The following CACNA1A variants were observed in gnomAD, a reference collection of about 807,000 sequenced individuals.
CACNA1A encodes the protein voltage-dependent P/Q-type calcium channel subunit alpha-1A.
CACNA1A carries 57 observed loss-of-function variants against 262.4 expected under a neutral mutation model. That is an observed-to-expected ratio of 0.22 (90% CI 0.18 to 0.27). The LOEUF is 0.27. CACNA1A is among the 10% of genes least tolerant of loss of function. The pLI is 1.00. For synonymous variants in CACNA1A, 1,431 were observed against 1,419.3 expected, an observed-to-expected ratio of 1.01 and a Z score of -0.18; for missense variants, 2,526 against 3,562.8, an observed-to-expected ratio of 0.71 and a Z score of 7.41.
In CACNA1A at chr19:13,308,244, C is replaced by T. The variant is rs777203333; in HGVS notation, c.1789G>A (p.Ala597Thr). Residue 597 changes from alanine to threonine, a missense_variant, in exon 14 of 47, where the codon GCA (alanine) becomes ACA (threonine). Around this residue, in one of 17 missense-constraint regions of CACNA1A, gnomAD observed 102 missense variants for 278.9 expected, o/e 0.37. Transcript: ENST00000360228. This position sits in a 1 kb window ranked among gnomAD's most constrained non-coding sequence, Gnocchi z 4.2. ...LRIFKVTKYWASLRNLVVSLL... is the reference protein window; with the variant it reads ...LRIFKVTKYWTSLRNLVVSLL... ...GAGACGACCAGGTTTCTGAGAGATG[C>T]CCAGTACCTGCCGACAGAGGCCAGG... 1 of 1,612,410 alleles carries T rather than the reference C, an allele frequency of 6.2e-7. No individual in the cohort carries two copies. Among genetic ancestry groups the T allele is most frequent in the Non-Finnish European group, 8.5e-7 (1 of 1,179,112 alleles).
In CACNA1A at chr19:13,359,567, ACT is replaced by A. The variant is rs1215279903; in HGVS notation, c.978+37_978+38del. On this transcript the variant is annotated intron_variant, in intron 6 of 46. Transcript: ENST00000360228. Reference sequence around the variant, plus strand: ...GGTCCCAGGAGGCCACCTCCCTGAGACTCTGATTGTCCACACACACTGTCCCA... The same window carrying A: ...GGTCCCAGGAGGCCACCTCCCTGAGACTGATTGTCCACACACACTGTCCCA... 5 of 1,534,868 alleles carry A rather than the reference ACT, an allele frequency of 3.3e-6. No homozygotes were observed. The African/African-American group carries it at 5.5e-5, about 17-fold the overall frequency.
At chr19:13,402,811 T>C (rs939071909) in intron 3 of CACNA1A, among the ~76,000 whole-genome samples, 3 of 131,464 alleles carry the variant, frequency 2.3e-5, no homozygotes, top group East Asian at 2.0e-4. Context: ...CATATATATA[T>C]ACATATATAC....
At position 13,212,137 on chromosome 19, in the gene CACNA1A, G is replaced by C; in HGVS notation, c.6269C>G (p.Ala2090Gly). 6.2e-7 allele frequency: 1 copy of C among 1,613,556 alleles called. No individual in the cohort carries two copies. Among genetic ancestry groups the C allele is most frequent in the Non-Finnish European group, 8.5e-7 (1 of 1,179,618 alleles). The change falls in exon 43 of 47, where the codon GCT becomes GGT. Residue 2090 changes from alanine to glycine, a missense_variant. Physicochemically the swap from Ala to Gly is moderately conservative, Grantham distance 60. Coordinates refer to ENST00000360228, the MANE Select transcript of CACNA1A (RefSeq NM_001127222.2). The surrounding 1 kb of genome is among the most constrained non-coding windows in gnomAD (Gnocchi z 5.6). ...HYLPMEGQGR[A>G]ASMPRLPAEN... Reference sequence around the variant, plus strand: ...TGCAGGGAGGCGGGGCATGGAGGCAGCCCGGCCCTGGCCTTCCATGGGGAG... The same window carrying C: ...TGCAGGGAGGCGGGGCATGGAGGCACCCCGGCCCTGGCCTTCCATGGGGAG...
At chr19:13,278,565 G>T (rs1203880345) in intron 22 of CACNA1A, among the ~76,000 whole-genome samples, 1 of 151,948 alleles carries the variant, frequency 6.6e-6, no homozygotes, top group Non-Finnish European at 1.5e-5. Flanking sequence ...CCACACCCCC[G>T]GCCACTTATC....
intron 1 of CACNA1A, among the ~76,000 whole-genome samples, chr19:13,461,340 AAAAACAAAACAAAACAAAAC>A (rs59561044): frequency 9.5e-5 from 14 of 148,074 alleles, no homozygotes; most frequent in African/African-American, 1.0e-4. Context: ...ACTCCGTCTC[AAAAACAAAACAAAACAAAAC>A]AAAACAAAAC....
Position 13,308,572 on chromosome 19 carries a change from G to T in CACNA1A, c.1669-44C>A. 1 of 1,287,646 alleles carries T rather than the reference G, an allele frequency of 7.8e-7. No homozygotes were observed. Among genetic ancestry groups the T allele is most frequent in the Non-Finnish European group, 1.1e-6 (1 of 911,924 alleles). 79.8% of individuals were successfully genotyped at this position (1,287,646 alleles called of 1,614,324 possible). A position where few individuals can be genotyped will look rare whatever the true frequency, so the allele number is the denominator to read the frequency against. On this transcript the variant is annotated intron_variant, in intron 12 of 46. Coordinates refer to ENST00000360228, the MANE Select transcript of CACNA1A (RefSeq NM_001127222.2). This position sits in a 1 kb window ranked among gnomAD's most constrained non-coding sequence, Gnocchi z 4.2. ...TCTCATGTCCAGGGACAGTGTCTGG[G>T]CTCCAGAACTGGCAAGCATTTCCTA...
Position 13,308,588 on chromosome 19 carries a change from G to T in CACNA1A, c.1669-60C>A. On this transcript the variant is annotated intron_variant, in intron 12 of 46. Transcript: ENST00000360228. This position sits in a 1 kb window ranked among gnomAD's most constrained non-coding sequence, Gnocchi z 4.2. Reference sequence around the variant, plus strand: ...AGTGTCTGGGCTCCAGAACTGGCAAGCATTTCCTAGGTACCAACCTTGCAA... The same window carrying T: ...AGTGTCTGGGCTCCAGAACTGGCAATCATTTCCTAGGTACCAACCTTGCAA... 1 of 1,078,534 alleles carries T rather than the reference G, an allele frequency of 9.3e-7. No homozygotes were observed. The highest frequency in any genetic ancestry group is 1.4e-6 in the Non-Finnish European group (1 of 735,478). The allele number at this position is 1,078,534 out of a possible 1,614,324, so 66.8% of individuals were successfully genotyped here.
intron 3 of CACNA1A, among the ~76,000 whole-genome samples, chr19:13,443,695 A>G (rs1328514981): frequency 2.0e-5 from 3 of 152,190 alleles, no homozygotes; most frequent in Non-Finnish European, 4.4e-5. Flanking sequence ...TCAGCTTATC[A>G]ATGTTGCCAC....
At chr19:13,253,557 T>G (rs1325781109) in intron 29 of CACNA1A, among the ~76,000 whole-genome samples, 1 of 140,330 alleles carries the variant, frequency 7.1e-6, no homozygotes. Flanking sequence ...GCCATTCCCC[T>G]GCCTCAGCCT....
In CACNA1A at chr19:13,377,213, C is replaced by T. The variant is rs540612888; in HGVS notation, c.540-5434G>A. The stretch of plus-strand genomic sequence containing the variant: ...CCGACCTCAGGTGATCCACACGCCT[C>T]GGCCTCCCAAAGTGGTGGGATTACA... On this transcript the variant is annotated intron_variant, in intron 3 of 46. Transcript: ENST00000360228. 8.7e-4 allele frequency among the ~76,000 whole-genome samples: 132 copies of T among 151,992 alleles called. 1 individual carries two copies. Among genetic ancestry groups the T allele is most frequent in the African/African-American group, 2.7e-3 (112 of 41,500 alleles).
chr19:13,387,421 T>C (rs1213258966), intron 3 of CACNA1A, among the ~76,000 whole-genome samples: 2 of 152,202 alleles, frequency 1.3e-5, no homozygotes, highest in African/African-American at 4.8e-5. Flanking sequence ...CTCCCTTTCA[T>C]TGATGGGGAA....
intron 3 of CACNA1A, among the ~76,000 whole-genome samples, chr19:13,426,180 A>G (rs1401014996): frequency 6.6e-6 from 1 of 152,224 alleles, no homozygotes; most frequent in Non-Finnish European, 1.5e-5. Flanking sequence ...GAGACAGCAG[A>G]AAAAAAGCCA....
Position 13,298,661 on chromosome 19 carries a change from C to A in CACNA1A, c.2972G>T (p.Gly991Val), listed in dbSNP as rs2057722221. Reference sequence around the variant, plus strand: ...GCCCCCGTCGGGGCCCTCGCCCTCGCCCTCGCCGCCCCGGGCCGGCCGGCT... The same window carrying A: ...GCCCCCGTCGGGGCCCTCGCCCTCGACCTCGCCGCCCCGGGCCGGCCGGCT... ...EGSRPARGGE[G>V]EGEGPDGGER... The change falls in exon 19 of 47, where the codon GGC becomes GTC. Residue 991 changes from glycine (G) to valine (V), a missense_variant. Coordinates refer to ENST00000360228, the MANE Select transcript of CACNA1A (RefSeq NM_001127222.2). The A allele has an allele frequency of 1.3e-6, 2 of 1,498,112 alleles. No homozygotes were observed. Among genetic ancestry groups the A allele is most frequent in the Non-Finnish European group, 1.8e-6 (2 of 1,124,556 alleles). The allele number at this position is 1,498,112 out of a possible 1,614,324, so 92.8% of individuals were successfully genotyped here.
At chr19:13,401,197 G>T (rs560150412) in intron 3 of CACNA1A, among the ~76,000 whole-genome samples, 3 of 152,238 alleles carry the variant, frequency 2.0e-5, no homozygotes, top group African/African-American at 7.2e-5. Flanking sequence ...CCAATTTTAG[G>T]GTCCTTCTGC....
rs188547696 is a variant in CACNA1A at position 13,214,837 on chromosome 19, G to A, written c.5732-229C>T. On this transcript the variant is annotated intron_variant, in intron 38 of 46. Coordinates refer to ENST00000360228, the MANE Select transcript of CACNA1A (RefSeq NM_001127222.2). This position sits in a 1 kb window ranked among gnomAD's most constrained non-coding sequence, Gnocchi z 4.1. Reference sequence around the variant, plus strand: ...GCCAGGACCATGGAGCAGCTGTGCAGGAGACAGCCCGGCATGGAGAACAGC... The same window carrying A: ...GCCAGGACCATGGAGCAGCTGTGCAAGAGACAGCCCGGCATGGAGAACAGC... The A allele has an allele frequency of 4.1e-4, 223 of 548,886 alleles. No homozygotes were observed. The highest frequency in any genetic ancestry group is 3.6e-3 in the African/African-American group (192 of 53,214). 34.0% of individuals were successfully genotyped at this position (548,886 alleles called of 1,614,324 possible).
At chr19:13,285,592 C>A (rs979090408) in intron 20 of CACNA1A, among the ~76,000 whole-genome samples, 2 of 152,090 alleles carry the variant, frequency 1.3e-5, no homozygotes, top group African/African-American at 4.8e-5. Context: ...GTTGGACCTT[C>A]ACACCCTCAC....
chr19:13,372,136 T>C (rs906912369), intron 3 of CACNA1A, among the ~76,000 whole-genome samples: 2 of 152,092 alleles, frequency 1.3e-5, no homozygotes, highest in East Asian at 3.9e-4. Flanking sequence ...ATGGCAGACC[T>C]TTCGGGGTTT....
At chr19:13,505,222 C>A (rs1756487730) in intron 1 of CACNA1A, among the ~76,000 whole-genome samples, 5 of 152,090 alleles carry the variant, frequency 3.3e-5, no homozygotes. Context: ...GTTCCCCAAT[C>A]AGCGGTTAAA....
chr19:13,326,032 C>T (rs1019363358), intron 10 of CACNA1A, among the ~76,000 whole-genome samples: 1 of 152,048 alleles, frequency 6.6e-6, no homozygotes, highest in South Asian at 2.1e-4. Context: ...AATTTGATAT[C>T]CTGTCAGGCG....
Sources: allele counts gnomAD v4.1 joint callset (sites outside exome capture counted in the v4.1 genomes callset), GRCh38; gene constraint gnomAD v4.1.1; regional missense constraint gnomAD v4.1.1; non-coding constraint Gnocchi (gnomAD v3.1); transcripts MANE v1.5; gene names NCBI Gene and HGNC (gene_info 2026-07-23, HGNC 2026-07-21).